Variants in C3 observed in about 807,000 individuals in gnomAD.
C3 encodes C3 and PZP-like alpha-2-macroglobulin domain-containing protein 1.
In C3, 97 loss-of-function variants were observed where a neutral mutation model predicts 207.9. The observed-to-expected ratio is 0.47, with a 90% CI of 0.40 to 0.55. The LOEUF (loss-of-function observed/expected upper bound fraction) is 0.55, where lower values mean the gene tolerates loss of function less well. Ranked by LOEUF, C3 falls within the 20% of genes least tolerant of loss-of-function variation. The pLI is 0.00. For missense variants in C3, 1,684 were observed against 2,171.7 expected (o/e 0.78, Z 4.46); for synonymous variants, 848 against 857.6 (o/e 0.99, Z 0.20).
At chr19:6,705,341 T>TCTCTC (rs1555686021) in intron 17 of C3, among the ~76,000 whole-genome samples, 5 of 128,924 alleles carry the variant, frequency 3.9e-5, no homozygotes, top group African/African-American at 1.5e-4. Flanking sequence ...TTTCTCTCTC[T>TCTCTC]TTTTTTTTTT....
chr19:6,679,433 C>T lies in C3; in HGVS notation c.4520G>A (p.Arg1507His), dbSNP rs551187980. 55 of 1,613,796 alleles carry T rather than the reference C, an allele frequency of 3.4e-5. No individual in the cohort carries two copies. The highest frequency in any genetic ancestry group is 1.6e-4 in the Middle Eastern group (1 of 6,084). ...KEDGKLNKLC[R>H]DELCRCAEEN... ...CTCAGCACAGCGGCACAGTTCATCA[C>T]GGCAGAGCTTGTTCAGCTTTCCATC... The change falls in exon 37 of 41, where the codon CGT (arginine) becomes CAT (histidine). Residue 1507 changes from arginine (R) to histidine (H), a missense_variant. By Grantham distance (29) the Arg-to-His change is conservative. Coordinates refer to ENST00000245907, the MANE Select transcript of C3 (RefSeq NM_000064.4).
At chr19:6,688,799 T>A (rs1025799296) in intron 27 of C3, among the ~76,000 whole-genome samples, 1 of 152,170 alleles carries the variant, frequency 6.6e-6, no homozygotes, top group Non-Finnish European at 1.5e-5. Context: ...TGTAAGAACT[T>A]CTTCTCCCTT....
intron 4 of C3, chr19:6,716,935 G>A (rs968832014): frequency 6.6e-6 from 1 of 152,308 alleles, no homozygotes; most frequent in Non-Finnish European, 1.5e-5. Context: ...AGAACAAGCT[G>A]TGTGGATATT....
At chr19:6,697,879 C>A (rs1384171234) in intron 19 of C3, 85 bp from the exon 20 acceptor site, 1 of 1,361,032 alleles carries the variant, frequency 7.3e-7, no homozygotes, top group African/African-American at 1.4e-5. Flanking sequence ...TTAGTCCACT[C>A]CGCAGGAGCT....
In C3 at chr19:6,697,989, TTTATTATTA is replaced by T. The variant is rs146892701; in HGVS notation, c.2441-204_2441-196del. Among the ~76,000 whole-genome samples the T allele has an allele frequency of 0.29, 17,705 of 60,904 alleles. 1,139 individuals are homozygous for T. The highest frequency in any genetic ancestry group is 0.32 in the Admixed American group (1,543 of 4,856). 40.0% of individuals were successfully genotyped at this position (60,904 alleles called of 152,430 possible). A position where few individuals can be genotyped will look rare whatever the true frequency, so the allele number is the denominator to read the frequency against. ...TGGTGGTGGCTGGGAGTTACCATTATTTATTATTATTATTATTATTATTATTATTATTAT... is the reference window on the plus strand; with the variant it reads ...TGGTGGTGGCTGGGAGTTACCATTATTTATTATTATTATTATTATTATTAT... On this transcript the variant is annotated intron_variant, in intron 19 of 40. Transcript: ENST00000245907.
chr19:6,681,942 T>A lies in C3; in HGVS notation c.4349A>T (p.Lys1450Met). Residue 1450 changes from lysine to methionine, a missense_variant and splice_region_variant, in exon 35 of 41, where the codon AAG becomes ATG. Physicochemically the swap from Lys to Met is moderately conservative, Grantham distance 95. Transcript: ENST00000245907. ...CAGGGGAGGATGATGCAGCCTTACC[T>A]TGTCCAGGTAGATGATGAGGGTGTT... ...DRNTLIIYLDKVSHSEDDCLA... is the reference protein window; with the variant it reads ...DRNTLIIYLDMVSHSEDDCLA... 3.1e-6 allele frequency: 5 copies of A among 1,612,752 alleles called. No individual in the cohort carries two copies. The highest frequency in any genetic ancestry group is 4.2e-6 in the Non-Finnish European group (5 of 1,178,848).
intron 19 of C3, among the ~76,000 whole-genome samples, chr19:6,700,659 GATATATTAT>G (rs1366403023): frequency 6.9e-5 from 1 of 14,390 alleles, no homozygotes; most frequent in Non-Finnish European, 1.1e-4. Context: ...TATAATATAT[GATATATTAT>G]ATATGTAATA....
Position 6,694,537 on chromosome 19 carries a change from G to A in C3, c.3048C>T (p.Ile1016=). The change falls in exon 24 of 41, where the codon ATC becomes ATT. Residue 1016 remains isoleucine (I), a synonymous_variant. Transcript: ENST00000245907. ...TPSGCGEQNM[I]GMTPTVIAVH... ...CAGCGATGACCGTGGGCGTCATGCCGATCATGTTCTGTTCCCCGCAGCCCG... is the reference window on the plus strand; with the variant it reads ...CAGCGATGACCGTGGGCGTCATGCCAATCATGTTCTGTTCCCCGCAGCCCG... 2 of 1,614,092 alleles carry A rather than the reference G, an allele frequency of 1.2e-6. No homozygotes were observed. The highest frequency in any genetic ancestry group is 1.7e-6 in the Non-Finnish European group (2 of 1,179,970).
At chr19:6,690,858 C>T in intron 26 of C3, 131 bp from the exon 27 acceptor site, 1 of 723,280 alleles carries the variant, frequency 1.4e-6, no homozygotes, top group Non-Finnish European at 2.5e-6. Flanking sequence ...CCCCGCTACC[C>T]TAGGAAGGTC....
intron 27 of C3, among the ~76,000 whole-genome samples, chr19:6,689,164 C>G (rs952224309): frequency 6.6e-6 from 1 of 152,110 alleles, no homozygotes; most frequent in African/African-American, 2.4e-5. Context: ...ATATCTGGGA[C>G]AACTCAGAGG....
chr19:6,696,335 A>G, intron 23 of C3, 44 bp downstream of exon 23: 1 of 1,380,148 alleles, frequency 7.2e-7, no homozygotes, highest in Non-Finnish European at 1.0e-6. Context: ...GGCTCCATCC[A>G]TGCCCTCCTG....
At chr19:6,718,195 C>T (rs1568229050) in intron 3 of C3, 31 bp from the exon 4 acceptor site, 1 of 1,614,076 alleles carries the variant, frequency 6.2e-7, no homozygotes. Flanking sequence ...CTCGTGAGAC[C>T]CTAGCCCGCC....
chr19:6,716,016 C>A (rs1968026925), intron 4 of C3, among the ~76,000 whole-genome samples: 1 of 152,118 alleles, frequency 6.6e-6, no homozygotes, highest in Non-Finnish European at 1.5e-5. Context: ...TGGAGCTGGG[C>A]AACTGTTGTG....
Position 6,677,826 on chromosome 19 carries a change from C to G in C3, c.*56G>C. 6.2e-7 allele frequency: 1 copy of G among 1,609,036 alleles called. No individual in the cohort carries two copies. The highest frequency in any genetic ancestry group is 8.5e-7 in the Non-Finnish European group (1 of 1,177,460). ...AGCCTCTCCCTCTTGGCAAAGAACT[C>G]CAGACACGTGAGATATAACTGAAGC... On this transcript the variant is annotated 3_prime_UTR_variant, in exon 41 of 41. Coordinates refer to ENST00000245907, the MANE Select transcript of C3 (RefSeq NM_000064.4).
intron 29 of C3, among the ~76,000 whole-genome samples, chr19:6,685,400 T>C (rs780829602): frequency 6.6e-6 from 1 of 152,128 alleles, no homozygotes; most frequent in African/African-American, 2.4e-5. Flanking sequence ...AGTCCAAATG[T>C]AAGACTGAAT....
intron 27 of C3, among the ~76,000 whole-genome samples, chr19:6,690,318 CAGAA>C (rs1202917130): frequency 6.6e-6 from 1 of 152,192 alleles, no homozygotes; most frequent in African/African-American, 2.4e-5. Context: ...GTAAGGCAGA[CAGAA>C]AGAATCCCCA....
chr19:6,711,057 G>A lies in C3; in HGVS notation c.1409C>T (p.Thr470Ile), dbSNP rs1967913061. Residue 470 changes from threonine to isoleucine, a missense_variant, in exon 12 of 41, where the codon ACC becomes ATC. Thr to Ile is a moderately conservative substitution (Grantham distance 89, BLOSUM62 -1). Around this residue, in one of 3 missense-constraint regions of C3, gnomAD observed 1,280 missense variants for 1,739.1 expected, o/e 0.74. Coordinates refer to ENST00000245907, the MANE Select transcript of C3 (RefSeq NM_000064.4). The stretch of plus-strand genomic sequence containing the variant: ...TCGCAGGAGGAAGTTGACGTTGAGG[G>A]TCTCCCCGGGTCTGAGCTCTGTACG... Reference protein sequence around the residue: ...VLRTELRPGETLNVNFLLRMD... With the variant: ...VLRTELRPGEILNVNFLLRMD... The A allele has an allele frequency of 7.4e-6, 12 of 1,614,174 alleles. No homozygotes were observed. The highest frequency in any genetic ancestry group is 1.0e-5 in the Non-Finnish European group (12 of 1,180,028).
At chr19:6,689,350 T>TA (rs1918106169) in intron 27 of C3, among the ~76,000 whole-genome samples, 4 of 20,548 alleles carry the variant, frequency 1.9e-4, no homozygotes, top group African/African-American at 8.5e-4. Flanking sequence ...CCTCCCTCCC[T>TA]CCCTCCCTCC....
intron 27 of C3, among the ~76,000 whole-genome samples, chr19:6,689,254 C>G (rs1346701008): frequency 6.6e-6 from 1 of 150,752 alleles, no homozygotes; most frequent in Non-Finnish European, 1.5e-5. Flanking sequence ...GTGGAAGTGC[C>G]CATGAGTCAG....
Sources: gnomAD v4.1 joint callset for allele counts (sites outside exome capture counted in the v4.1 genomes callset) on GRCh38, gnomAD v4.1.1 for gene constraint, gnomAD v4.1.1 regional missense constraint, MANE v1.5 for transcripts, NCBI Gene and HGNC (gene_info 2026-07-23, HGNC 2026-07-21) for gene names.